The following RAB25 variants were observed in gnomAD, a reference collection of about 807,000 sequenced individuals.
The protein encoded by RAB25 is RAB25, member RAS oncogene family.
A neutral mutation model predicts 25.2 loss-of-function variants in RAB25; 23 were observed. The observed-to-expected ratio is 0.91, with a 90% CI of 0.66 to 1.29. The LOEUF (loss-of-function observed/expected upper bound fraction) is 1.29. Ranked by LOEUF, RAB25 falls within the 50% of genes most tolerant of loss-of-function variation. The probability of loss-of-function intolerance (pLI) is 0.00; values close to 1 mark genes in which losing one functional copy is unlikely to be tolerated. For missense variants in RAB25, 244 were observed against 277.3 expected (o/e 0.88, Z 0.85); for synonymous variants, 102 against 111.5 (o/e 0.91, Z 0.54).
At position 156,069,716 on chromosome 1, in the gene RAB25, C is replaced by G; in HGVS notation, c.479C>G (p.Thr160Ser). ...LFLETSALDS[T>S]NVELAFETVL... Reference sequence around the variant, plus strand: ...CTGGAGACCTCAGCCCTGGACTCTACCAATGTTGAGCTAGCCTTTGAGACT... The same window carrying G: ...CTGGAGACCTCAGCCCTGGACTCTAGCAATGTTGAGCTAGCCTTTGAGACT... Residue 160 changes from threonine (T) to serine (S), a missense_variant, in exon 4 of 5, where the codon ACC becomes AGC. Thr to Ser is a moderately conservative substitution (Grantham distance 58). Transcript: ENST00000361084. 1 of 1,613,464 alleles carries G rather than the reference C, an allele frequency of 6.2e-7. No homozygotes were observed. The highest frequency in any genetic ancestry group is 8.5e-7 in the Non-Finnish European group (1 of 1,179,398).
Position 156,070,482 on chromosome 1 carries a change from C to A in RAB25, c.*195C>A. ...TCCACCCCTCACAGACTAGGACCCT[C>A]AAATAAAGCTGTTTTATATCAATGC... On this transcript the variant is annotated 3_prime_UTR_variant, in exon 5 of 5. Coordinates refer to ENST00000361084, the MANE Select transcript of RAB25 (RefSeq NM_020387.4). 1.5e-6 allele frequency: 1 copy of A among 684,046 alleles called. No individual in the cohort carries two copies. Among genetic ancestry groups the A allele is most frequent in the Non-Finnish European group, 2.4e-6 (1 of 418,748 alleles). The allele number at this position is 684,046 out of a possible 1,614,324, so 42.4% of individuals were successfully genotyped here.
Position 156,070,002 on chromosome 1 carries a change from C to A in RAB25, c.515-158C>A, listed in dbSNP as rs1024298259. On this transcript the variant is annotated intron_variant, in intron 4 of 4. Transcript: ENST00000361084. ...TCTCCACCCAAGTAAGTAGAAGGGA[C>A]CCCTATGTCCACACTTCATTTCCTT... The A allele has an allele frequency of 2.3e-5, 26 of 1,152,404 alleles. No homozygotes were observed. In the South Asian group the frequency reaches 3.4e-4, roughly 15 times the overall value. 71.4% of individuals were successfully genotyped at this position (1,152,404 alleles called of 1,614,324 possible).
At chr1:156,066,681 G>A (rs1647754853) in intron 2 of RAB25, among the ~76,000 whole-genome samples, 1 of 152,222 alleles carries the variant, frequency 6.6e-6, no homozygotes, top group South Asian at 2.1e-4. Context: ...GCTCACACCT[G>A]TAATCCCAGC....
chr1:156,065,903 T>G lies in RAB25; in HGVS notation c.44-8T>G. On this transcript the variant is annotated splice_polypyrimidine_tract_variant and splice_region_variant and intron_variant, in intron 1 of 4. Transcript: ENST00000361084. ...CCATGCTCAGCCCTTATCTCTCCAC[T>G]CCTTCAGTGGTGCTGATCGGCGAAT... 1 of 1,582,370 alleles carries G rather than the reference T, an allele frequency of 6.3e-7. No individual in the cohort carries two copies. Among genetic ancestry groups the G allele is most frequent in the Admixed American group, 1.7e-5 (1 of 58,950 alleles).
At chr1:156,069,898 C>T (rs1349800151) in intron 4 of RAB25, 147 bp downstream of exon 4, 3 of 864,734 alleles carry the variant, frequency 3.5e-6, no homozygotes, top group African/African-American at 3.3e-5. Flanking sequence ...CCCTCAGTCC[C>T]TCCCCAGTGC....
intron 1 of RAB25, among the ~76,000 whole-genome samples, chr1:156,065,259 A>G (rs536074233): frequency 6.6e-6 from 1 of 152,336 alleles, no homozygotes; most frequent in African/African-American, 2.4e-5. Context: ...AACTTGCCGA[A>G]GGACACATAG....
intron 4 of RAB25, chr1:156,069,956 T>C: frequency 1.1e-6 from 1 of 878,302 alleles, no homozygotes; most frequent in Non-Finnish European, 1.8e-6. Context: ...ACACTCCCCA[T>C]GGGGCTGACT....
rs749886270 is a variant in RAB25, at chr1:156,070,306, G to GC, written c.*24dup. On this transcript the variant is annotated 3_prime_UTR_variant, in exon 5 of 5. Transcript: ENST00000361084. ...CCTCTGACCTTGGCCAGCACCACCT[G>GC]CCCCCACTGGCTTTTTGGTGCCCCT... 4 of 1,609,426 alleles carry GC rather than the reference G, an allele frequency of 2.5e-6. No homozygotes were observed. In the African/African-American group the frequency reaches 5.4e-5, roughly 22 times the overall value.
rs773981906 is a variant in RAB25, at chr1:156,065,919, A to G, written c.52A>G (p.Ile18Val). 2 of 1,597,800 alleles carry G rather than the reference A, an allele frequency of 1.3e-6. No individual in the cohort carries two copies. Among genetic ancestry groups the G allele is most frequent in the East Asian group, 2.2e-5 (1 of 44,532 alleles). The change falls in exon 2 of 5, where the codon ATC becomes GTC. Residue 18 changes from isoleucine (I) to valine (V), a missense_variant. Coordinates refer to ENST00000361084, the MANE Select transcript of RAB25 (RefSeq NM_020387.4). ...TCTCTCCACTCCTTCAGTGGTGCTG[A>G]TCGGCGAATCAGGTGTGGGGAAGAC... ...DYNFVFKVVL[I>V]GESGVGKTNL...
Position 156,069,770 on chromosome 1 carries a change from T to C in RAB25, c.514+19T>C. The C allele has an allele frequency of 6.3e-7, 1 of 1,578,504 alleles. No homozygotes were observed. The highest frequency in any genetic ancestry group is 1.1e-5 in the South Asian group (1 of 90,392). On this transcript the variant is annotated intron_variant, in intron 4 of 4. Transcript: ENST00000361084. Reference sequence around the variant, plus strand: ...CTGAAAGGTTAGAGCCTACCTTTATTCTGCACCCCTATTCCATCCCCGTGG... The same window carrying C: ...CTGAAAGGTTAGAGCCTACCTTTATCCTGCACCCCTATTCCATCCCCGTGG...
Position 156,070,268 on chromosome 1 carries a change from C to T in RAB25, c.623C>T (p.Ala208Val), listed in dbSNP as rs1424170806. ...GAGCCTGGCCCTGGGGAGAAGAGGG[C>T]CTGTTGCATCAGCCTCTGACCTTGG... is the stretch of plus-strand genomic sequence containing the variant. Reference protein sequence around the residue: ...GQEPGPGEKRACCISL With the variant: ...GQEPGPGEKRVCCISL The change falls in exon 5 of 5, where the codon GCC (alanine) becomes GTC (valine). Residue 208 changes from alanine (A) to valine (V), a missense_variant. Ala to Val is a moderately conservative substitution (Grantham distance 64). Transcript: ENST00000361084. 1 of 1,613,706 alleles carries T rather than the reference C, an allele frequency of 6.2e-7. No homozygotes were observed. The highest frequency in any genetic ancestry group is 8.5e-7 in the Non-Finnish European group (1 of 1,179,872).
rs1302183810 is a variant in RAB25, at chr1:156,068,383, T to C, written c.353T>C (p.Ile118Thr). The change falls in exon 3 of 5, where the codon ATC becomes ACC. Residue 118 changes from isoleucine to threonine, a missense_variant. Coordinates refer to ENST00000361084, the MANE Select transcript of RAB25 (RefSeq NM_020387.4). Reference sequence around the variant, plus strand: ...CTCTATGACCATGCTGAAGCCACGATCGTCGTCATGCTCGTGGGTAACAAA... The same window carrying C: ...CTCTATGACCATGCTGAAGCCACGACCGTCGTCATGCTCGTGGGTAACAAA... ...KELYDHAEAT[I>T]VVMLVGNKSD... 6.2e-7 allele frequency: 1 copy of C among 1,614,072 alleles called. No individual in the cohort carries two copies. The highest frequency in any genetic ancestry group is 1.7e-5 in the Admixed American group (1 of 60,012).
In RAB25 at chr1:156,068,303, G is replaced by A; in HGVS notation, c.273G>A (p.Val91=). The change falls in exon 3 of 5, where the codon GTG becomes GTA. Residue 91 remains valine (V), a synonymous_variant. Coordinates refer to ENST00000361084, the MANE Select transcript of RAB25 (RefSeq NM_020387.4). The stretch of plus-strand genomic sequence containing the variant: ...GTGGTGCAGTGGGGGCCCTCCTGGT[G>A]TTTGACCTAACCAAGCACCAGACCT... ...YYRGAVGALL[V]FDLTKHQTYA... is the part of the protein sequence containing the mutation. 6.2e-7 allele frequency: 1 copy of A among 1,613,928 alleles called. No homozygotes were observed. The highest frequency in any genetic ancestry group is 8.5e-7 in the Non-Finnish European group (1 of 1,179,830).
rs1647807230 is a variant in RAB25 at position 156,068,292 on chromosome 1, G to C, written c.262G>C (p.Ala88Pro). ...CAGGTACTATCGTGGTGCAGTGGGG[G>C]CCCTCCTGGTGTTTGACCTAACCAA... The part of the protein sequence containing the change: ...TSAYYRGAVG[A>P]LLVFDLTKHQ... The change falls in exon 3 of 5, where the codon GCC becomes CCC. Residue 88 changes from alanine (A) to proline (P), a missense_variant. Transcript: ENST00000361084. 6.2e-7 allele frequency: 1 copy of C among 1,613,120 alleles called. No individual in the cohort carries two copies. The highest frequency in any genetic ancestry group is 1.3e-5 in the African/African-American group (1 of 74,878).
chr1:156,061,595 G>A, intron 1 of RAB25, 152 bp downstream of exon 1: 1 of 818,868 alleles, frequency 1.2e-6, no homozygotes, highest in Non-Finnish European at 2.0e-6. Flanking sequence ...GGGAGTGGGG[G>A]AGGGTCTGGT....
chr1:156,068,435 G>T lies in RAB25; in HGVS notation c.405G>T (p.Val135=), dbSNP rs552979828. ...NKSDLSQARE[V]PTEEARMFAE... is the part of the protein sequence containing the mutation. ...GTGACCTCAGCCAGGCCCGGGAAGT[G>T]CCCACTGAGGAGGCCCGAATGTTCG... Residue 135 remains valine, a synonymous_variant, in exon 3 of 5, where the codon GTG becomes GTT. Coordinates refer to ENST00000361084, the MANE Select transcript of RAB25 (RefSeq NM_020387.4). The T allele has an allele frequency of 6.2e-7, 1 of 1,613,670 alleles. No individual in the cohort carries two copies. The highest frequency in any genetic ancestry group is 8.5e-7 in the Non-Finnish European group (1 of 1,179,936).
chr1:156,069,908 C>G, intron 4 of RAB25, 157 bp downstream of exon 4: 1 of 847,590 alleles, frequency 1.2e-6, no homozygotes. Flanking sequence ...CTCCCCAGTG[C>G]CTCCCACTCA....
chr1:156,065,793 G>A (rs1028999624), intron 1 of RAB25, 118 bp from the exon 2 acceptor site: 9 of 787,060 alleles, frequency 1.1e-5, no homozygotes, highest in African/African-American at 5.3e-5. Flanking sequence ...AGGAGACTCC[G>A]TTCCCTAATC....
At position 156,066,116 on chromosome 1, in the gene RAB25, G is replaced by T; in HGVS notation, c.239+10G>T. ...GAGCCATCACCTCGGCGTGAGCCCG[G>T]GCCTGGGGGGCTGCTGGGTGGTGGG... On this transcript the variant is annotated intron_variant, in intron 2 of 4. Coordinates refer to ENST00000361084, the MANE Select transcript of RAB25 (RefSeq NM_020387.4). 1 of 1,545,164 alleles carries T rather than the reference G, an allele frequency of 6.5e-7. No homozygotes were observed. Among genetic ancestry groups the T allele is most frequent in the Admixed American group, 1.8e-5 (1 of 55,210 alleles).
Sources: gnomAD v4.1 joint callset for allele counts (sites outside exome capture counted in the v4.1 genomes callset) on GRCh38, gnomAD v4.1.1 for gene constraint, MANE v1.5 for transcripts, NCBI Gene and HGNC (gene_info 2026-07-23, HGNC 2026-07-21) for gene names.